The following LARGE1 variants were observed in gnomAD, a reference collection of about 807,000 sequenced individuals.
The protein encoded by LARGE1 is xylosyl- and glucuronyltransferase LARGE1.
LARGE1 carries 43 observed loss-of-function variants against 87.6 expected under a neutral mutation model. The ratio of observed to expected loss-of-function variants is 0.49; its 90% CI spans 0.38 to 0.63. The LOEUF (loss-of-function observed/expected upper bound fraction) is 0.63, where lower values mean the gene tolerates loss of function less well. Ranked by LOEUF, LARGE1 falls within the 30% of genes least tolerant of loss-of-function variation. The probability of loss-of-function intolerance (pLI) is 0.00; values close to 1 mark genes in which losing one functional copy is unlikely to be tolerated. For missense variants in LARGE1, 802 were observed against 1,000.2 expected, an observed-to-expected ratio of 0.80 and a Z score of 2.67; for synonymous variants, 434 against 394.6, an observed-to-expected ratio of 1.10 and a Z score of -1.18.
chr22:33,382,575 C>T (rs112678703), intron 8 of LARGE1, among the ~76,000 whole-genome samples: 153 of 152,278 alleles, frequency 1.0e-3, no homozygotes, highest in African/African-American at 3.2e-3. Flanking sequence ...GCCCAGGATA[C>T]GCACTCCCCG....
chr22:33,841,130 T>C (rs2063269751), intron 1 of LARGE1, among the ~76,000 whole-genome samples: 1 of 152,236 alleles, frequency 6.6e-6, no homozygotes, highest in Admixed American at 6.5e-5. Flanking sequence ...GTAGGTTAAA[T>C]GTATTAAACG....
chr22:33,373,747 G>A (rs1162127166), intron 9 of LARGE1, among the ~76,000 whole-genome samples: 1 of 152,048 alleles, frequency 6.6e-6, no homozygotes, highest in African/African-American at 2.4e-5. Context: ...GGCTGAGGCA[G>A]GCAGATCATG....
chr22:33,512,592 C>T (rs537883303), intron 6 of LARGE1, among the ~76,000 whole-genome samples: 64 of 152,190 alleles, frequency 4.2e-4, no homozygotes, highest in African/African-American at 1.4e-3. Flanking sequence ...CACCTGAGGT[C>T]AGGAGTTCGA....
At chr22:33,265,300 C>A (rs139185335) in intron 11 of LARGE1, among the ~76,000 whole-genome samples, 1 of 152,080 alleles carries the variant, frequency 6.6e-6, no homozygotes, top group Non-Finnish European at 1.5e-5. Flanking sequence ...ACCAAGCAAC[C>A]CTTGATGTGT....
chr22:33,781,579 C>T (rs2085422211), intron 1 of LARGE1, among the ~76,000 whole-genome samples: 1 of 152,132 alleles, frequency 6.6e-6, no homozygotes, highest in South Asian at 2.1e-4. Flanking sequence ...AAGCCCCATC[C>T]AAAGACCAAG....
At chr22:33,546,817 C>A (rs897427495) in intron 6 of LARGE1, among the ~76,000 whole-genome samples, 1 of 152,210 alleles carries the variant, frequency 6.6e-6, no homozygotes, top group African/African-American at 2.4e-5. Context: ...CTCCTGACCT[C>A]AGGTTATCCG....
At chr22:33,378,127 T>C (rs1429591548) in intron 9 of LARGE1, among the ~76,000 whole-genome samples, 1 of 152,208 alleles carries the variant, frequency 6.6e-6, no homozygotes, top group East Asian at 1.9e-4. Flanking sequence ...TCCTTGTAAC[T>C]TCCCCTAAAA....
At chr22:33,472,322 GAGA>G (rs2068878017) in intron 6 of LARGE1, among the ~76,000 whole-genome samples, 1 of 152,152 alleles carries the variant, frequency 6.6e-6, no homozygotes, top group African/African-American at 2.4e-5. Flanking sequence ...AGGAGACAAA[GAGA>G]GAGACAGGCA....
the LARGE1 span, among the ~76,000 whole-genome samples, chr22:33,146,738 G>GT: frequency 1.0e-3 from 154 of 151,414 alleles, no homozygotes; most frequent in Middle Eastern, 3.4e-3. Context: ...ATCTTAGCAG[G>GT]TTTTTTTTTA....
At chr22:33,871,667 G>T (rs942041616) in intron 1 of LARGE1, among the ~76,000 whole-genome samples, 2 of 151,984 alleles carry the variant, frequency 1.3e-5, no homozygotes, top group South Asian at 4.1e-4. Context: ...GCACATAAGC[G>T]TGCACGCACA....
intron 2 of LARGE1, among the ~76,000 whole-genome samples, chr22:33,664,430 C>T (rs752315486): frequency 5.3e-5 from 8 of 152,088 alleles, no homozygotes; most frequent in Non-Finnish European, 7.3e-5. Flanking sequence ...TAAAATATAC[C>T]CTGGATACAA....
At chr22:33,290,543 C>T (rs1162509752) in intron 12 of LARGE1, among the ~76,000 whole-genome samples, 1 of 152,190 alleles carries the variant, frequency 6.6e-6, no homozygotes, top group African/African-American at 2.4e-5. Context: ...CTGCGATGAG[C>T]ACCTAAAAGC....
At chr22:33,575,956 T>C (rs1448710219) in intron 5 of LARGE1, among the ~76,000 whole-genome samples, 1 of 152,214 alleles carries the variant, frequency 6.6e-6, no homozygotes, top group East Asian at 1.9e-4. Context: ...TACTTTATGT[T>C]ATGAAATGGA....
intron 6 of LARGE1, among the ~76,000 whole-genome samples, chr22:33,438,640 G>A (rs550183852): frequency 1.2e-4 from 17 of 140,302 alleles, no homozygotes; most frequent in South Asian, 4.6e-4. Flanking sequence ...CCTGCTGCTC[G>A]GGAGGTGAGA....
At chr22:33,426,781 T>A (rs940762571) in intron 7 of LARGE1, among the ~76,000 whole-genome samples, 2 of 152,236 alleles carry the variant, frequency 1.3e-5, no homozygotes, top group Non-Finnish European at 1.5e-5. Context: ...GGTCTCCATC[T>A]GCCTGTCTCT....
intron 5 of LARGE1, among the ~76,000 whole-genome samples, chr22:33,585,872 T>C (rs2078658026): frequency 6.6e-6 from 1 of 152,190 alleles, no homozygotes; most frequent in Non-Finnish European, 1.5e-5. Flanking sequence ...CTAATTTTTG[T>C]ATTTTTAGTA....
At chr22:33,519,231 C>CGTGTGTGTGTGTGT (rs769245398) in intron 6 of LARGE1, among the ~76,000 whole-genome samples, 31 of 134,632 alleles carry the variant, frequency 2.3e-4, no homozygotes, top group African/African-American at 8.4e-4. Context: ...CGTGCGTGCG[C>CGTGTGTGTGTGTGT]GCGCGTGTGT....
intron 1 of LARGE1, among the ~76,000 whole-genome samples, chr22:33,802,399 G>T (rs2086189748): frequency 6.6e-6 from 1 of 152,210 alleles, no homozygotes; most frequent in Non-Finnish European, 1.5e-5. Context: ...ACTGGCAGGT[G>T]AATGAAGGCA....
chr22:33,409,148 T>C (rs952168305), intron 7 of LARGE1, among the ~76,000 whole-genome samples: 32 of 152,166 alleles, frequency 2.1e-4, no homozygotes, highest in Admixed American at 1.9e-3. Flanking sequence ...CTGTGTGCCA[T>C]TCTGATTCAA....
Sources: allele counts gnomAD v4.1 joint callset (sites outside exome capture counted in the v4.1 genomes callset), GRCh38; gene constraint gnomAD v4.1.1; transcripts MANE v1.5; gene names NCBI Gene and HGNC (gene_info 2026-07-23, HGNC 2026-07-21).